The following PCDH15 variants were observed in gnomAD, a reference collection of about 807,000 sequenced individuals.
PCDH15 encodes protocadherin related 15.
In PCDH15, 129 loss-of-function variants were observed where a neutral mutation model predicts 178.5. The observed-to-expected ratio is 0.72, with a 90% CI of 0.63 to 0.84. The LOEUF (loss-of-function observed/expected upper bound fraction) is 0.84, where lower values mean the gene tolerates loss of function less well. Among genes scored for constraint, PCDH15 ranks in the 40% least tolerant of loss-of-function variants. The probability of loss-of-function intolerance (pLI) is 0.00; values close to 1 mark genes in which losing one functional copy is unlikely to be tolerated. For missense variants in PCDH15, 2,230 were observed against 2,099.9 expected (o/e 1.06, Z -1.21); for synonymous variants, 800 against 732.0 (o/e 1.09, Z -1.50).
At chr10:55,520,778 A>C (rs1841157115) in intron 2 of PCDH15, among the ~76,000 whole-genome samples, 1 of 151,884 alleles carries the variant, frequency 6.6e-6, no homozygotes, top group South Asian at 2.1e-4. Context: ...CTCTCTGATT[A>C]CTCTTCTGTA....
At chr10:54,841,966 T>G (rs538556672) in intron 3 of PCDH15, among the ~76,000 whole-genome samples, 147 of 151,992 alleles carry the variant, frequency 9.7e-4, no homozygotes, top group African/African-American at 3.4e-3. Context: ...CTGTATTGCT[T>G]AAGTTCATTT....
intron 24 of PCDH15, among the ~76,000 whole-genome samples, chr10:53,940,356 T>C (rs985676936): frequency 1.3e-5 from 2 of 152,144 alleles, no homozygotes; most frequent in Middle Eastern, 3.2e-3. Context: ...TATGTCTAAT[T>C]TGACTATTTT....
At chr10:54,653,326 C>A (rs1019351740) in intron 2 of PCDH15, among the ~76,000 whole-genome samples, 1 of 152,126 alleles carries the variant, frequency 6.6e-6, no homozygotes, top group African/African-American at 2.4e-5. Context: ...TTCCTACTAG[C>A]CGTGTGTTAT....
intron 2 of PCDH15, among the ~76,000 whole-genome samples, chr10:54,998,196 A>C (rs576426757): frequency 6.6e-6 from 1 of 152,268 alleles, no homozygotes; most frequent in South Asian, 2.1e-4. Context: ...CATAAAATAA[A>C]ATGAGTGGTT....
At chr10:54,804,185 G>A (rs997763857), upstream of PCDH15, among the ~76,000 whole-genome samples, 4 of 151,960 alleles carry the variant, frequency 2.6e-5, no homozygotes, top group Admixed American at 6.5e-5. Flanking sequence ...GACTACAGGC[G>A]CCCACCACCA....
intron 2 of PCDH15, among the ~76,000 whole-genome samples, chr10:55,162,155 C>T (rs546926995): frequency 1.3e-5 from 2 of 152,208 alleles, no homozygotes; most frequent in African/African-American, 2.4e-5. Flanking sequence ...GAATACCAGA[C>T]TTTAGATACA....
chr10:54,051,519 C>T (rs1236047813), intron 18 of PCDH15, among the ~76,000 whole-genome samples: 3 of 152,032 alleles, frequency 2.0e-5, no homozygotes, highest in African/African-American at 7.2e-5. Context: ...GCATTTTGCC[C>T]CTACCCCAGA....
chr10:55,098,355 A>G (rs1177257614), intron 2 of PCDH15, among the ~76,000 whole-genome samples: 1 of 152,170 alleles, frequency 6.6e-6, no homozygotes, highest in Non-Finnish European at 1.5e-5. Context: ...GAAATTATTT[A>G]GGTAAATAGT....
At chr10:54,273,434 T>G (rs2058163793) in intron 8 of PCDH15, among the ~76,000 whole-genome samples, 1 of 151,242 alleles carries the variant, frequency 6.6e-6, no homozygotes, top group Non-Finnish European at 1.5e-5. Flanking sequence ...CCAGCCAGAT[T>G]GATGACCAAG....
At chr10:55,063,611 TGAA>T (rs1841494611) in intron 2 of PCDH15, among the ~76,000 whole-genome samples, 2 of 152,168 alleles carry the variant, frequency 1.3e-5, no homozygotes, top group Admixed American at 6.6e-5. Context: ...GTATTTCTGT[TGAA>T]GAGGGCATAT....
intron 2 of PCDH15, among the ~76,000 whole-genome samples, chr10:54,543,979 A>T (rs2085551403): frequency 6.6e-6 from 1 of 152,130 alleles, no homozygotes; most frequent in Non-Finnish European, 1.5e-5. Flanking sequence ...AGAACACCTG[A>T]CCCGTGTGTA....
At position 55,615,381 on chromosome 10, in the gene PCDH15, G is replaced by A. The variant is rs191258568; in HGVS notation, c.-156+12244C>T. 4.2e-3 allele frequency among the ~76,000 whole-genome samples: 646 copies of A among 152,248 alleles called. 5 individuals are homozygous for A. The highest frequency in any genetic ancestry group is 0.015 in the African/African-American group (615 of 41,552). ...AATGTCATTAAATCATTTCAGAAAT[G>A]AAGGTACATTAATGAAAAATAATCA... is the stretch of plus-strand genomic sequence containing the variant. On this transcript the variant is annotated intron_variant, in intron 2 of 5. Coordinates refer to the PCDH15 transcript ENST00000613346.
intron 2 of PCDH15, among the ~76,000 whole-genome samples, chr10:54,589,725 C>T (rs556385086): frequency 2.0e-5 from 3 of 151,988 alleles, no homozygotes; most frequent in East Asian, 1.9e-4. Flanking sequence ...CTCAGCCTCC[C>T]GAGTAGCTGG....
chr10:55,238,810 C>G (rs986912292), intron 1 of PCDH15, among the ~76,000 whole-genome samples: 2 of 151,862 alleles, frequency 1.3e-5, no homozygotes, highest in African/African-American at 4.8e-5. Flanking sequence ...GTGTAATGAC[C>G]AAATTAAGGT....
chr10:54,412,262 A>G (rs1329560095), intron 3 of PCDH15, among the ~76,000 whole-genome samples: 1 of 149,218 alleles, frequency 6.7e-6, no homozygotes, highest in African/African-American at 2.4e-5. Flanking sequence ...ATATTTTAAT[A>G]TATATTTAAA....
intron 21 of PCDH15, among the ~76,000 whole-genome samples, chr10:53,973,782 T>G (rs2089961211): frequency 6.6e-6 from 1 of 152,218 alleles, no homozygotes; most frequent in Admixed American, 6.5e-5. Flanking sequence ...GCTCCTTCAC[T>G]GCTGAAGACA....
intron 3 of PCDH15, among the ~76,000 whole-genome samples, chr10:54,828,080 C>T (rs746882171): frequency 5.3e-5 from 8 of 152,020 alleles, no homozygotes; most frequent in Non-Finnish European, 1.0e-4. Context: ...GGCTTATCAA[C>T]TACCATTGGT....
At chr10:54,655,300 G>GAGAGAGAGAGAGAGAGAGAGAC (rs1158121522) in intron 2 of PCDH15, among the ~76,000 whole-genome samples, 3 of 111,316 alleles carry the variant, frequency 2.7e-5, no homozygotes, top group African/African-American at 6.2e-5. Context: ...GAGAGAGAGA[G>GAGAGAGAGAGAGAGAGAGAGAC]AGACAGAGAG....
At chr10:54,811,333 T>A (rs905626136) in intron 3 of PCDH15, among the ~76,000 whole-genome samples, 2 of 152,160 alleles carry the variant, frequency 1.3e-5, no homozygotes, top group African/African-American at 4.8e-5. Flanking sequence ...ATGCGGTGTT[T>A]GATATAGTTA....
Sources: allele counts gnomAD v4.1 joint callset (sites outside exome capture counted in the v4.1 genomes callset), GRCh38; gene constraint gnomAD v4.1.1; transcripts MANE v1.5; gene names NCBI Gene and HGNC (gene_info 2026-07-23, HGNC 2026-07-21).